CCSER1: variants seen among roughly 807,000 people sequenced by gnomAD.
CCSER1 encodes the protein serine-rich coiled-coil domain-containing protein 1.
Under a neutral mutation model 82.0 loss-of-function variants are expected in CCSER1, and 41 were observed. The observed-to-expected ratio is 0.50, with a 90% CI of 0.39 to 0.65. The LOEUF (loss-of-function observed/expected upper bound fraction) is 0.65. Among genes scored for constraint, CCSER1 ranks in the 30% least tolerant of loss-of-function variants. The pLI, the probability that CCSER1 is intolerant of heterozygous loss-of-function variation, is 0.00. For missense variants in CCSER1, 1,119 were observed against 1,064.2 expected, an observed-to-expected ratio of 1.05 and a Z score of -0.72; for synonymous variants, 414 against 383.9, an observed-to-expected ratio of 1.08 and a Z score of -0.92.
intron 10 of CCSER1, among the ~76,000 whole-genome samples, chr4:91,356,152 C>G (rs1179855169): frequency 6.6e-6 from 1 of 152,230 alleles, no homozygotes; most frequent in African/African-American, 2.4e-5. Flanking sequence ...GAAACCCCTT[C>G]TAGTTGTTTT....
At chr4:90,560,503 T>A (rs1778641461) in intron 5 of CCSER1, among the ~76,000 whole-genome samples, 1 of 152,128 alleles carries the variant, frequency 6.6e-6, no homozygotes, top group Non-Finnish European at 1.5e-5. Flanking sequence ...TTAATGTTTT[T>A]ATATTGTTTT....
chr4:91,286,968 A>C (rs1224487614), intron 10 of CCSER1, among the ~76,000 whole-genome samples: 3 of 151,878 alleles, frequency 2.0e-5, no homozygotes, highest in Non-Finnish European at 2.9e-5. Flanking sequence ...AATTTAGCTG[A>C]ATCATTCATC....
At chr4:90,189,522 GTGTA>G (rs1735227741) in intron 1 of CCSER1, among the ~76,000 whole-genome samples, 1 of 151,712 alleles carries the variant, frequency 6.6e-6, no homozygotes. Flanking sequence ...ATATAGATGT[GTGTA>G]TGTATGTATA....
chr4:90,852,941 A>G (rs1283647709), intron 8 of CCSER1, among the ~76,000 whole-genome samples: 1 of 152,142 alleles, frequency 6.6e-6, no homozygotes, highest in Non-Finnish European at 1.5e-5. Flanking sequence ...CCTCAAGGCT[A>G]GTGATTTGAG....
chr4:90,793,135 T>C (rs1755501970), intron 7 of CCSER1, among the ~76,000 whole-genome samples: 1 of 152,250 alleles, frequency 6.6e-6, no homozygotes, highest in Non-Finnish European at 1.5e-5. Context: ...AGAAAGTAAG[T>C]TCATAGTGAT....
intron 5 of CCSER1, among the ~76,000 whole-genome samples, chr4:90,619,194 C>T (rs964575659): frequency 5.3e-5 from 8 of 151,902 alleles, no homozygotes; most frequent in Non-Finnish European, 7.4e-5. Flanking sequence ...TCTTCAGTAT[C>T]ATCGTGAAAT....
Position 90,250,155 on chromosome 4 carries a change from G to A in CCSER1, c.-41-58089G>A, listed in dbSNP as rs150428718. On this transcript the variant is annotated intron_variant, in intron 1 of 10. Transcript: ENST00000509176. Reference sequence around the variant, plus strand: ...TAATTTGTTATTAGATCTATGGTTTGCGAATATTTTCTTCCATTCTCTGGG... The same window carrying A: ...TAATTTGTTATTAGATCTATGGTTTACGAATATTTTCTTCCATTCTCTGGG... Among the ~76,000 whole-genome samples, 1,145 of 152,126 alleles carry A rather than the reference G, an allele frequency of 7.5e-3. 5 individuals carry two copies. Among genetic ancestry groups the A allele is most frequent in the Non-Finnish European group, 0.012 (808 of 67,964 alleles).
At chr4:91,135,312 C>T (rs185807677) in intron 10 of CCSER1, among the ~76,000 whole-genome samples, 2 of 152,154 alleles carry the variant, frequency 1.3e-5, no homozygotes, top group Non-Finnish European at 2.9e-5. Context: ...AGAAGTATTA[C>T]AGTCACAAAG....
chr4:91,576,366 G>T (rs1763452947), intron 10 of CCSER1, among the ~76,000 whole-genome samples: 1 of 151,962 alleles, frequency 6.6e-6, no homozygotes, highest in Admixed American at 6.6e-5. Flanking sequence ...CATAAAAACA[G>T]AGAGTAGAAT....
At chr4:91,434,588 T>C (rs1475898784) in intron 10 of CCSER1, among the ~76,000 whole-genome samples, 1 of 152,212 alleles carries the variant, frequency 6.6e-6, no homozygotes, top group Non-Finnish European at 1.5e-5. Context: ...CTCCTGAATG[T>C]AATTATGCAT....
intron 10 of CCSER1, among the ~76,000 whole-genome samples, chr4:91,396,160 A>T (rs958982314): frequency 6.6e-6 from 1 of 152,138 alleles, no homozygotes; most frequent in Non-Finnish European, 1.5e-5. Context: ...TGTGAACTTT[A>T]TGCAGTTATT....
chr4:90,456,532 G>T (rs1402677666), intron 4 of CCSER1, among the ~76,000 whole-genome samples: 2 of 152,144 alleles, frequency 1.3e-5, no homozygotes, highest in Non-Finnish European at 2.9e-5. Context: ...GCCTCAGCCA[G>T]ATACCCTCAT....
chr4:90,205,818 A>G (rs1160984320), intron 1 of CCSER1, among the ~76,000 whole-genome samples: 4 of 152,094 alleles, frequency 2.6e-5, no homozygotes, highest in African/African-American at 4.8e-5. Context: ...CTATGAATCC[A>G]TCTGGTCCTG....
At chr4:90,964,302 C>T (rs1473967210) in intron 9 of CCSER1, among the ~76,000 whole-genome samples, 1 of 151,834 alleles carries the variant, frequency 6.6e-6, no homozygotes, top group Non-Finnish European at 1.5e-5. Flanking sequence ...AATATAATAA[C>T]AGATATGTAT....
intron 10 of CCSER1, among the ~76,000 whole-genome samples, chr4:91,318,529 A>G (rs895729185): frequency 1.3e-5 from 2 of 152,002 alleles, no homozygotes; most frequent in Non-Finnish European, 1.5e-5. Context: ...TATAGACTCA[A>G]TTGTCTCCAT....
chr4:90,155,531 G>A (rs1381893462), intron 1 of CCSER1, among the ~76,000 whole-genome samples: 1 of 151,916 alleles, frequency 6.6e-6, no homozygotes, highest in Non-Finnish European at 1.5e-5. Context: ...GGTTGGTAAG[G>A]TATTGATTAT....
intron 10 of CCSER1, among the ~76,000 whole-genome samples, chr4:91,186,120 A>G (rs921445310): frequency 6.6e-6 from 1 of 152,140 alleles, no homozygotes; most frequent in African/African-American, 2.4e-5. Flanking sequence ...TTGAACAGTC[A>G]CTGGGGCAAC....
rs547933102 is a variant in CCSER1 at position 91,494,182 on chromosome 4, G to A, written c.2218-104390G>A. On this transcript the variant is annotated intron_variant, in intron 10 of 10. Coordinates refer to ENST00000509176, the MANE Select transcript of CCSER1 (RefSeq NM_001145065.2). ...TCTTGGACTCCCTAGCCTCCAGACT[G>A]TAAGAAATATATATCTGTTATTTAT... 2.6e-5 allele frequency among the ~76,000 whole-genome samples: 4 copies of A among 151,906 alleles called. No homozygotes were observed. In the South Asian group the frequency reaches 8.3e-4, roughly 31 times the overall value.
intron 10 of CCSER1, among the ~76,000 whole-genome samples, chr4:91,206,175 A>T (rs1736329489): frequency 6.6e-6 from 1 of 151,762 alleles, no homozygotes; most frequent in African/African-American, 2.4e-5. Flanking sequence ...AAATAAGATA[A>T]TTTTTCTGTT....
Sources: allele counts gnomAD v4.1 joint callset (sites outside exome capture counted in the v4.1 genomes callset), GRCh38; gene constraint gnomAD v4.1.1; transcripts MANE v1.5; gene names NCBI Gene and HGNC (gene_info 2026-07-23, HGNC 2026-07-21).